CALD1: variants seen among roughly 807,000 people sequenced by gnomAD.
CALD1 encodes the protein caldesmon.
A neutral mutation model predicts 99.9 loss-of-function variants in CALD1; 33 were observed. The ratio of observed to expected loss-of-function variants is 0.33; its 90% confidence interval spans 0.25 to 0.44. The LOEUF (loss-of-function observed/expected upper bound fraction) is 0.44. CALD1 is among the 20% of genes least tolerant of loss of function. The pLI, the probability that CALD1 is intolerant of heterozygous loss-of-function variation, is 1.00. For synonymous variants in CALD1, 310 were observed against 325.0 expected, an observed-to-expected ratio of 0.95 and a Z score of 0.50; for missense variants, 861 against 962.1, an observed-to-expected ratio of 0.89 and a Z score of 1.39.
At chr7:134,812,079 G>A (rs73452318) in intron 1 of CALD1, among the ~76,000 whole-genome samples, 42 of 152,256 alleles carry the variant, frequency 2.8e-4, no homozygotes, top group African/African-American at 9.6e-4. Flanking sequence ...AGGTTAAAAG[G>A]TTTTTGTCTG....
intron 3 of CALD1, among the ~76,000 whole-genome samples, chr7:134,886,958 T>C (rs896792153): frequency 1.3e-5 from 2 of 152,224 alleles, no homozygotes; most frequent in Non-Finnish European, 2.9e-5. Flanking sequence ...ATTCCAATAG[T>C]GCTACGCGAA....
At chr7:134,743,993 T>C (rs1358617969), upstream of CALD1, among the ~76,000 whole-genome samples, 1 of 152,132 alleles carries the variant, frequency 6.6e-6, no homozygotes, top group Non-Finnish European at 1.5e-5. Context: ...GATTAGTTGT[T>C]TGTGATCATT....
At chr7:134,836,922 C>G (rs1799465152) in intron 1 of CALD1, among the ~76,000 whole-genome samples, 1 of 152,186 alleles carries the variant, frequency 6.6e-6, no homozygotes, top group Non-Finnish European at 1.5e-5. Flanking sequence ...TCGCAGATTA[C>G]TCTTCATTCA....
chr7:134,736,021 C>G, the CALD1 span, among the ~76,000 whole-genome samples: 2 of 152,132 alleles, frequency 1.3e-5, no homozygotes, highest in Non-Finnish European at 2.9e-5. Context: ...TAGGGAGAGA[C>G]AAAATGCAAT....
At chr7:134,874,578 C>T (rs1276425676) in intron 3 of CALD1, among the ~76,000 whole-genome samples, 2 of 152,226 alleles carry the variant, frequency 1.3e-5, no homozygotes, top group Non-Finnish European at 2.9e-5. Context: ...GGCTCTCTCA[C>T]TTTCCAAGAT....
intron 1 of CALD1, among the ~76,000 whole-genome samples, chr7:134,810,018 A>G (rs1367038194): frequency 2.0e-5 from 3 of 152,246 alleles, no homozygotes; most frequent in Non-Finnish European, 4.4e-5. Flanking sequence ...ATCTTGGATG[A>G]CTTACAGAAA....
intron 1 of CALD1, among the ~76,000 whole-genome samples, chr7:134,752,632 T>C (rs981485320): frequency 6.6e-6 from 1 of 152,206 alleles, no homozygotes; most frequent in African/African-American, 2.4e-5. Flanking sequence ...GCAACTTCTA[T>C]TTCTGCCAAT....
intron 1 of CALD1, among the ~76,000 whole-genome samples, chr7:134,763,607 G>C (rs893719488): frequency 6.6e-6 from 1 of 152,100 alleles, no homozygotes; most frequent in African/African-American, 2.4e-5. Flanking sequence ...ATGGCCACCT[G>C]AGTTTTCCCT....
upstream of CALD1, chr7:134,779,463 C>A (rs937065392): frequency 5.2e-6 from 2 of 385,552 alleles, no homozygotes; most frequent in Non-Finnish European, 9.2e-6. Context: ...TCTCCACAGG[C>A]AGGCTGCATC....
chr7:134,726,498 TAGA>T, the CALD1 span, among the ~76,000 whole-genome samples: 929 of 139,850 alleles, frequency 6.6e-3, 46 homozygotes, highest in African/African-American at 0.023. Flanking sequence ...TATATAGCTT[TAGA>T]TATATAATAT....
At chr7:134,818,396 T>G (rs1326497526) in intron 1 of CALD1, among the ~76,000 whole-genome samples, 3 of 152,228 alleles carry the variant, frequency 2.0e-5, no homozygotes, top group Non-Finnish European at 4.4e-5. Context: ...AGTAAATTGC[T>G]TTCTGGTAAC....
chr7:134,950,798 A>G (rs917939828), intron 9 of CALD1, among the ~76,000 whole-genome samples: 12 of 152,172 alleles, frequency 7.9e-5, no homozygotes, highest in African/African-American at 2.9e-4. Context: ...TCTACCAAAA[A>G]TTCAAAAACT....
chr7:134,890,192 A>T (rs1037443035), intron 3 of CALD1, among the ~76,000 whole-genome samples: 2 of 152,228 alleles, frequency 1.3e-5, no homozygotes, highest in East Asian at 3.8e-4. Context: ...GGCATGAGCC[A>T]CCTCGCCTGG....
At chr7:134,965,630 A>G (rs1201349963) in intron 14 of CALD1, among the ~76,000 whole-genome samples, 2 of 152,126 alleles carry the variant, frequency 1.3e-5, no homozygotes, top group African/African-American at 4.8e-5. Context: ...TCAATACACC[A>G]CAGTGGTAGG....
At chr7:134,713,386 C>T in the CALD1 span, among the ~76,000 whole-genome samples, 760 of 152,222 alleles carry the variant, frequency 5.0e-3, 4 homozygotes, top group African/African-American at 0.018. Context: ...GGCCCCCAAA[C>T]ATGCCCCCAA....
the CALD1 span, among the ~76,000 whole-genome samples, chr7:134,733,537 G>A: frequency 1.4e-4 from 21 of 152,244 alleles, no homozygotes; most frequent in East Asian, 1.9e-4. Context: ...GGCCGGGCGC[G>A]GTGGCTCAAG....
the CALD1 span, among the ~76,000 whole-genome samples, chr7:134,735,379 T>C: frequency 4.6e-5 from 7 of 152,158 alleles, no homozygotes; most frequent in African/African-American, 1.7e-4. Context: ...TTCAGTATAT[T>C]TGAATAACTG....
At chr7:134,944,812 A>G (rs991714050) in intron 7 of CALD1, among the ~76,000 whole-genome samples, 16 of 152,220 alleles carry the variant, frequency 1.1e-4, no homozygotes, top group African/African-American at 3.1e-4. Context: ...AAGGGCTTCA[A>G]GCCTAAATTA....
Position 134,764,707 on chromosome 7 carries a change from C to T in CALD1, c.-130+20344C>T, listed in dbSNP as rs115895931. On this transcript the variant is annotated intron_variant, in intron 1 of 13. Transcript: ENST00000417172. ...CTCACTTCTTGGATTGTAAGTTGTC[C>T]GAGAAAGGGTGTGAGCTGGGTGCTG... 2.2e-3 allele frequency among the ~76,000 whole-genome samples: 334 copies of T among 152,040 alleles called. 2 individuals carry two copies. Among genetic ancestry groups the T allele is most frequent in the African/African-American group, 7.4e-3 (305 of 41,448 alleles).
Sources: gnomAD v4.1 joint callset for allele counts (sites outside exome capture counted in the v4.1 genomes callset) on GRCh38, gnomAD v4.1.1 for gene constraint, MANE v1.5 for transcripts, NCBI Gene and HGNC (gene_info 2026-07-23, HGNC 2026-07-21) for gene names.